ZC3HAV1L: variants seen among roughly 807,000 people sequenced by gnomAD.
ZC3HAV1L encodes ZC3HAV1 like.
ZC3HAV1L carries 23 observed loss-of-function variants against 28.2 expected under a neutral mutation model. The ratio of observed to expected loss-of-function variants is 0.82; its 90% CI spans 0.59 to 1.16. ZC3HAV1L has a LOEUF of 1.16. Ranked by LOEUF, ZC3HAV1L falls within the 50% of genes most tolerant of loss-of-function variation. ZC3HAV1L has a pLI of 0.00. For missense variants in ZC3HAV1L, 376 were observed against 387.7 expected (o/e 0.97, Z 0.25); for synonymous variants, 180 against 163.4 (o/e 1.10, Z -0.78).
At chr7:139,030,043 T>C (rs1223155863) in intron 2 of ZC3HAV1L, among the ~76,000 whole-genome samples, 1 of 152,174 alleles carries the variant, frequency 6.6e-6, no homozygotes, top group Non-Finnish European at 1.5e-5. Flanking sequence ...AATAGAACTG[T>C]CCAGGTTTTA....
intron 3 of ZC3HAV1L, among the ~76,000 whole-genome samples, chr7:139,028,279 A>G (rs1036190788): frequency 6.6e-6 from 1 of 151,926 alleles, no homozygotes; most frequent in African/African-American, 2.4e-5. Context: ...AGGCTGAGGC[A>G]GAAGAATCGC....
chr7:139,035,249 G>A, intron 1 of ZC3HAV1L: 1 of 985,392 alleles, frequency 1.0e-6, no homozygotes, highest in Non-Finnish European at 1.2e-6. Flanking sequence ...GGATATGGGG[G>A]AGCAGCGATT....
At chr7:139,030,733 T>C (rs1352426637) in intron 2 of ZC3HAV1L, among the ~76,000 whole-genome samples, 2 of 114,476 alleles carry the variant, frequency 1.7e-5, no homozygotes, top group East Asian at 4.3e-4. Context: ...TGAGGCAGAA[T>C]TGCTTAACCT....
intron 2 of ZC3HAV1L, among the ~76,000 whole-genome samples, chr7:139,033,217 TA>T (rs992896675): frequency 3.9e-4 from 16 of 41,146 alleles, no homozygotes; most frequent in African/African-American, 1.4e-3. Context: ...AAAAACTATA[TA>T]AGTCTGATGT....
chr7:139,034,118 C>T, intron 2 of ZC3HAV1L: 2 of 985,448 alleles, frequency 2.0e-6, no homozygotes, highest in South Asian at 9.4e-5. Flanking sequence ...AGTCTTGTGG[C>T]TATCTTCCTT....
chr7:139,035,244 T>C (rs981428991), intron 1 of ZC3HAV1L: 2 of 985,238 alleles, frequency 2.0e-6, no homozygotes, highest in Non-Finnish European at 2.4e-6. Flanking sequence ...TGTGTGGATA[T>C]GGGGGAGCAG....
At position 139,032,881 on chromosome 7, in the gene ZC3HAV1L, A is replaced by G. The variant is rs969286242; in HGVS notation, c.501+1662T>C. On this transcript the variant is annotated intron_variant, in intron 2 of 4. Transcript: ENST00000275766. The stretch of plus-strand genomic sequence containing the variant: ...TTTATTTGTCAACTACACTTCAATA[A>G]AGACAAAAATTTGATAGAATTCAAC... Among the ~76,000 whole-genome samples the G allele has an allele frequency of 3.9e-5, 6 of 152,040 alleles. No individual in the cohort carries two copies. In the South Asian group the frequency reaches 1.2e-3, roughly 32 times the overall value.
In ZC3HAV1L at chr7:139,028,884, A is replaced by G. The variant is rs1156352991; in HGVS notation, c.578T>C (p.Val193Ala). The G allele has an allele frequency of 6.2e-7, 1 of 1,614,252 alleles. No individual in the cohort carries two copies. ...TTCTCCTTTCACAAAGGATTTGCAC[A>G]CATGAAACTTGTTGCATTTATCCTT... ...NLKDKCNKFH[V>A]CKSFVKGECK... The change falls in exon 3 of 5, where the codon GTG becomes GCG. Residue 193 changes from valine (V) to alanine (A), a missense_variant. Coordinates refer to ENST00000275766, the MANE Select transcript of ZC3HAV1L (RefSeq NM_080660.4).
intron 3 of ZC3HAV1L, 22 bp from the exon 4 acceptor site, chr7:139,026,855 GTTTTCCTA>G: frequency 6.3e-7 from 1 of 1,594,110 alleles, no homozygotes; most frequent in Admixed American, 1.7e-5. Flanking sequence ...AAAGGGATAA[GTTTTCCTA>G]CGATACCCCA....
At chr7:139,023,556 T>A (rs979549611), downstream of ZC3HAV1L, among the ~76,000 whole-genome samples, 2 of 152,116 alleles carry the variant, frequency 1.3e-5, no homozygotes, top group Non-Finnish European at 2.9e-5. Flanking sequence ...AATACCACCC[T>A]ACATGATGAG....
chr7:139,031,627 A>G (rs952425766), intron 2 of ZC3HAV1L, among the ~76,000 whole-genome samples: 22 of 151,342 alleles, frequency 1.5e-4, no homozygotes, highest in African/African-American at 4.9e-4. Flanking sequence ...TCTGGGGGCC[A>G]GGCGCTATGG....
At chr7:139,034,866 C>T in intron 1 of ZC3HAV1L, 188 bp from the exon 2 acceptor site, 1 of 985,378 alleles carries the variant, frequency 1.0e-6, no homozygotes, top group Non-Finnish European at 1.2e-6. Context: ...AACTCCTCTC[C>T]CAGGGTCATT....
At chr7:139,034,399 T>C (rs1815633389) in intron 2 of ZC3HAV1L, 144 bp downstream of exon 2, 3 of 1,324,478 alleles carry the variant, frequency 2.3e-6, no homozygotes, top group Admixed American at 4.8e-5. Context: ...ATGATAGCAA[T>C]TATAAAGGGT....
chr7:139,035,057 C>A, intron 1 of ZC3HAV1L: 1 of 985,446 alleles, frequency 1.0e-6, no homozygotes, highest in Non-Finnish European at 1.2e-6. Flanking sequence ...TGGCTAGAGA[C>A]AACCAAGGAA....
At chr7:139,029,095 C>A in intron 2 of ZC3HAV1L, 135 bp from the exon 3 acceptor site, 1 of 1,031,044 alleles carries the variant, frequency 9.7e-7, no homozygotes, top group Non-Finnish European at 1.4e-6. Context: ...CTCCATCTCC[C>A]GCGTTCAAGC....
chr7:139,024,993 G>C (rs1472857450), downstream of ZC3HAV1L, among the ~76,000 whole-genome samples: 2 of 152,076 alleles, frequency 1.3e-5, no homozygotes, highest in African/African-American at 4.8e-5. Context: ...TGGAGAGCAG[G>C]GAGGAAGGGA....
At chr7:139,022,684 A>G (rs1241613176), downstream of ZC3HAV1L, among the ~76,000 whole-genome samples, 1 of 152,234 alleles carries the variant, frequency 6.6e-6, no homozygotes, top group Admixed American at 6.5e-5. Flanking sequence ...AAGAATAAAT[A>G]ATGTTTTGCT....
chr7:139,030,816 C>T (rs1815504569), intron 2 of ZC3HAV1L, among the ~76,000 whole-genome samples: 1 of 145,584 alleles, frequency 6.9e-6, no homozygotes, highest in South Asian at 2.2e-4. Flanking sequence ...GAGTCTCCAT[C>T]TCAAAAAATA....
rs539236536 is a variant in ZC3HAV1L, at chr7:139,034,806, T to C, written c.366-128A>G. Reference sequence around the variant, plus strand: ...TGAGTAATTTTCATGAAACCGGGGATAGTATGGCCTAATAAGCACTGATGG... The same window carrying C: ...TGAGTAATTTTCATGAAACCGGGGACAGTATGGCCTAATAAGCACTGATGG... On this transcript the variant is annotated intron_variant, in intron 1 of 4. Coordinates refer to ENST00000275766, the MANE Select transcript of ZC3HAV1L (RefSeq NM_080660.4). The C allele has an allele frequency of 6.2e-6, 9 of 1,443,888 alleles. No individual in the cohort carries two copies. The African/African-American group carries it at 1.1e-4, about 18-fold the overall frequency. The allele number at this position is 1,443,888 out of a possible 1,614,324, so 89.4% of individuals were successfully genotyped here. A position where few individuals can be genotyped will look rare whatever the true frequency, so the allele number is the denominator to read the frequency against.
Sources: gnomAD v4.1 joint callset for allele counts (sites outside exome capture counted in the v4.1 genomes callset) on GRCh38, gnomAD v4.1.1 for gene constraint, MANE v1.5 for transcripts, NCBI Gene and HGNC (gene_info 2026-07-23, HGNC 2026-07-21) for gene names.